The following CTNNA2 variants were observed in gnomAD, a reference collection of about 807,000 sequenced individuals.
CTNNA2 encodes the protein catenin alpha-2.
CTNNA2 carries 42 observed loss-of-function variants against 101.0 expected under a neutral mutation model. The observed-to-expected ratio is 0.42, with a 90% CI of 0.32 to 0.54. The LOEUF (loss-of-function observed/expected upper bound fraction) is 0.54, where lower values mean the gene tolerates loss of function less well. Among genes scored for constraint, CTNNA2 ranks in the 20% least tolerant of loss-of-function variants. CTNNA2 has a pLI of 0.14. For synonymous variants in CTNNA2, 450 were observed against 456.4 expected, an observed-to-expected ratio of 0.99 and a Z score of 0.18; for missense variants, 871 against 1,223.1, an observed-to-expected ratio of 0.71 and a Z score of 4.29.
At chr2:79,281,603 A>G (rs1365020908) in intron 2 of CTNNA2, 1 of 152,182 alleles carries the variant, frequency 6.6e-6, no homozygotes, top group East Asian at 1.9e-4. Flanking sequence ...GTTTTGCTGT[A>G]GTGTTTGACA....
At chr2:79,368,665 T>C (rs971147132) in intron 3 of CTNNA2, among the ~76,000 whole-genome samples, 2 of 151,858 alleles carry the variant, frequency 1.3e-5, no homozygotes, top group African/African-American at 2.4e-5. Flanking sequence ...CTTATTAGAG[T>C]GGGAGGTGGC....
At chr2:79,445,774 G>A (rs1433774657) in intron 4 of CTNNA2, among the ~76,000 whole-genome samples, 1 of 152,052 alleles carries the variant, frequency 6.6e-6, no homozygotes, top group Admixed American at 6.6e-5. Context: ...TGCACAAGCA[G>A]ATAATATAAA....
At chr2:80,089,878 A>G (rs77336679) in intron 7 of CTNNA2, among the ~76,000 whole-genome samples, 2,356 of 152,140 alleles carry the variant, frequency 0.015, 49 homozygotes, top group African/African-American at 0.05. Context: ...GTGGCTCTCT[A>G]GGGCCCTCCA....
Position 80,545,904 on chromosome 2 carries a change from T to G in CTNNA2, c.1384-3T>G, listed in dbSNP as rs1196223440. 1.2e-6 allele frequency: 2 copies of G among 1,613,410 alleles called. No individual in the cohort carries two copies. Among genetic ancestry groups the G allele is most frequent in the Middle Eastern group, 1.6e-4 (1 of 6,078 alleles). ...ATGTCCCTGGATTGTTTCCAACAAA[T>G]AGGTCATCAATGCCGCTCTGACACT... is the stretch of plus-strand genomic sequence containing the variant. On this transcript the variant is annotated splice_polypyrimidine_tract_variant and splice_region_variant and intron_variant, in intron 10 of 18. Coordinates refer to ENST00000402739, the MANE Select transcript of CTNNA2 (RefSeq NM_001282597.3).
intron 9 of CTNNA2, among the ~76,000 whole-genome samples, chr2:80,521,709 C>T (rs1399501043): frequency 6.6e-6 from 1 of 152,122 alleles, no homozygotes; most frequent in Non-Finnish European, 1.5e-5. Context: ...GAATTCTCTC[C>T]TGGAGCCTCC....
At chr2:80,165,849 C>T (rs1309353039) in intron 7 of CTNNA2, among the ~76,000 whole-genome samples, 1 of 152,152 alleles carries the variant, frequency 6.6e-6, no homozygotes, top group South Asian at 2.1e-4. Context: ...TTCTCTGATA[C>T]CACCCTGGTG....
At chr2:80,487,253 C>A (rs1188143260) in intron 9 of CTNNA2, among the ~76,000 whole-genome samples, 1 of 149,136 alleles carries the variant, frequency 6.7e-6, no homozygotes, top group South Asian at 2.1e-4. Flanking sequence ...TGCACTCCAG[C>A]CTGGGCGACA....
rs1573264688 is a variant in CTNNA2, at chr2:80,162,621, G to T, written c.1057-230590G>T. The T allele has an allele frequency of 3.1e-6, 5 of 1,611,292 alleles. No homozygotes were observed. In the East Asian group the frequency reaches 8.9e-5, roughly 29 times the overall value. ...CTGTTCCCGGCTATAATGTCTATCT[G>T]CTAGGTAGGGATGAGAATTCATTCT... On this transcript the variant is annotated intron_variant, in intron 7 of 18. Transcript: ENST00000402739.
At chr2:80,050,807 C>A (rs1696828104) in intron 7 of CTNNA2, among the ~76,000 whole-genome samples, 1 of 152,202 alleles carries the variant, frequency 6.6e-6, no homozygotes, top group South Asian at 2.1e-4. Context: ...ATCAAGCAAT[C>A]CTCCTGCCTC....
chr2:80,291,297 C>A (rs576808276), intron 7 of CTNNA2, among the ~76,000 whole-genome samples: 3 of 152,182 alleles, frequency 2.0e-5, no homozygotes, highest in Non-Finnish European at 4.4e-5. Flanking sequence ...TAACTTCATA[C>A]CCTGCCTAAC....
chr2:80,057,691 C>A (rs1288784279), intron 7 of CTNNA2, among the ~76,000 whole-genome samples: 1 of 152,182 alleles, frequency 6.6e-6, no homozygotes, highest in Non-Finnish European at 1.5e-5. Context: ...TTGATCATTT[C>A]AGTCTTTTTG....
chr2:79,538,575 G>C lies in CTNNA2; in HGVS notation c.-6+25368G>C, dbSNP rs75122120. On this transcript the variant is annotated intron_variant, in intron 1 of 18. Transcript: ENST00000402739. ...ATGGCCTTGCTATCGAGCAGATTTT[G>C]AGAGTGGAAATAGCAGGTAGGGCTG... is the stretch of plus-strand genomic sequence containing the variant. Among the ~76,000 whole-genome samples the C allele has an allele frequency of 6.8e-4, 104 of 152,290 alleles. 1 individual carries two copies. The East Asian group carries it at 0.019, about 28-fold the overall frequency.
intron 7 of CTNNA2, among the ~76,000 whole-genome samples, chr2:79,995,134 A>G (rs1022774752): frequency 3.9e-5 from 6 of 152,316 alleles, no homozygotes; most frequent in African/African-American, 1.4e-4. Flanking sequence ...AGGCTGAGTC[A>G]GTTCTCCTTG....
chr2:79,797,660 T>TAAAAAAACAAAA (rs1675824901), intron 3 of CTNNA2, among the ~76,000 whole-genome samples: 2 of 121,834 alleles, frequency 1.6e-5, no homozygotes, highest in African/African-American at 6.9e-5. Context: ...GACTCTGTCT[T>TAAAAAAACAAAA]AAAAAAAAAA....
intron 7 of CTNNA2, among the ~76,000 whole-genome samples, chr2:80,181,966 G>A (rs1317892113): frequency 6.6e-6 from 1 of 152,116 alleles, no homozygotes; most frequent in African/African-American, 2.4e-5. Context: ...TGTTCCTCTA[G>A]AACCACTCTT....
chr2:80,389,106 CAGA>C (rs1188981947), intron 7 of CTNNA2, among the ~76,000 whole-genome samples: 1 of 152,188 alleles, frequency 6.6e-6, no homozygotes, highest in Non-Finnish European at 1.5e-5. Flanking sequence ...ATGGAGAAAG[CAGA>C]AGGACAGGTG....
chr2:79,283,775 G>GT (rs1038672963), intron 2 of CTNNA2, among the ~76,000 whole-genome samples: 1 of 102,024 alleles, frequency 9.8e-6, no homozygotes, highest in Admixed American at 1.1e-4. Flanking sequence ...CTTTAAAGTA[G>GT]TTTTTTCCAA....
intron 4 of CTNNA2, among the ~76,000 whole-genome samples, chr2:79,447,593 C>T (rs1039517418): frequency 9.9e-5 from 15 of 151,966 alleles, no homozygotes; most frequent in Non-Finnish European, 1.9e-4. Flanking sequence ...CAGTTTATTA[C>T]CTGCCATCCA....
At chr2:80,260,195 C>G (rs965628179) in intron 7 of CTNNA2, among the ~76,000 whole-genome samples, 3 of 152,276 alleles carry the variant, frequency 2.0e-5, no homozygotes, top group East Asian at 3.9e-4. Flanking sequence ...AGCCTGCACT[C>G]TCAACCATCA....
Sources: allele counts gnomAD v4.1 joint callset (sites outside exome capture counted in the v4.1 genomes callset), GRCh38; gene constraint gnomAD v4.1.1; transcripts MANE v1.5; gene names NCBI Gene and HGNC (gene_info 2026-07-23, HGNC 2026-07-21).